EIF3M: variants seen among roughly 807,000 people sequenced by gnomAD.
EIF3M encodes the protein B5 receptor.
In EIF3M, 25 loss-of-function variants were observed where a neutral mutation model predicts 49.7. That is an observed-to-expected ratio of 0.50 (90% confidence interval 0.37 to 0.70). EIF3M has a LOEUF of 0.70. EIF3M is among the 30% of genes least tolerant of loss of function. The pLI, the probability that EIF3M is intolerant of heterozygous loss-of-function variation, is 0.00. For synonymous variants in EIF3M, 156 were observed against 149.8 expected (o/e 1.04, Z -0.30); for missense variants, 350 against 440.0 (o/e 0.80, Z 1.83).
Position 32,593,909 on chromosome 11 carries a change from A to C in EIF3M, c.577A>C (p.Thr193Pro). ...CATGGTGGAATTGCTCGGAAGTTAC[A>C]CAGAGGACAATGCTTCCCAGGCTCG... ...KVMVELLGSYTEDNASQARVD... is the reference protein window; with the variant it reads ...KVMVELLGSYPEDNASQARVD... The change falls in exon 6 of 11, where the codon ACA becomes CCA. Residue 193 changes from threonine to proline, a missense_variant. By Grantham distance (38) the Thr-to-Pro change is conservative. Transcript: ENST00000531120. 1 of 1,581,350 alleles carries C rather than the reference A, an allele frequency of 6.3e-7. No homozygotes were observed. The highest frequency in any genetic ancestry group is 8.6e-7 in the Non-Finnish European group (1 of 1,164,974).
At chr11:32,584,190 T>C (rs957450710) in intron 1 of EIF3M, 2 of 564,974 alleles carry the variant, frequency 3.5e-6, no homozygotes, top group Admixed American at 6.2e-5. Flanking sequence ...GACGACATAG[T>C]ACTTTTAGAC....
rs1855300059 is a variant in EIF3M at position 32,603,219 on chromosome 11, AT to A, written c.*821del. The A allele has an allele frequency of 2.1e-6, 1 of 485,894 alleles. No homozygotes were observed. Among genetic ancestry groups the A allele is most frequent in the Non-Finnish European group, 3.6e-6 (1 of 278,240 alleles). 30.1% of individuals were successfully genotyped at this position (485,894 alleles called of 1,614,324 possible). ...GTAGTAGATCTTCAAAATCTCTAAT[AT>A]ATAACTGAAGTAAAGTGTACAAAAA... On this transcript the variant is annotated 3_prime_UTR_variant, in exon 11 of 11. Transcript: ENST00000531120.
At position 32,602,339 on chromosome 11, in the gene EIF3M, T is replaced by G; in HGVS notation, c.1065T>G (p.Asn355Lys). ...GGCAACAACTGTATGACACACTTAA[T>G]GCCTGGAAACAAAATCTGAACAAAG... ...QQWQQLYDTL[N>K]AWKQNLNKVK... Residue 355 changes from asparagine (N) to lysine (K), a missense_variant, in exon 11 of 11, where the codon AAT (asparagine) becomes AAG (lysine). Transcript: ENST00000531120. 1 of 1,612,866 alleles carries G rather than the reference T, an allele frequency of 6.2e-7. No individual in the cohort carries two copies. Among genetic ancestry groups the G allele is most frequent in the Non-Finnish European group, 8.5e-7 (1 of 1,179,204 alleles).
intron 2 of EIF3M, among the ~76,000 whole-genome samples, chr11:32,587,408 C>T (rs142021509): frequency 2.1e-4 from 32 of 152,292 alleles, no homozygotes; most frequent in African/African-American, 7.7e-4. Context: ...ATTGGAATAT[C>T]ACACATCTTT....
At chr11:32,601,922 A>G in intron 10 of EIF3M, 100 bp downstream of exon 10, 2 of 1,233,278 alleles carry the variant, frequency 1.6e-6, no homozygotes, top group East Asian at 4.9e-5. Flanking sequence ...TTATCACTTG[A>G]CTGTAGTTAA....
At chr11:32,597,133 A>G (rs1855193066) in intron 8 of EIF3M, among the ~76,000 whole-genome samples, 1 of 152,208 alleles carries the variant, frequency 6.6e-6, no homozygotes, top group Admixed American at 6.5e-5. Flanking sequence ...AAGAATTACC[A>G]TTACTTTGAT....
rs898887092 is a variant in EIF3M at position 32,588,995 on chromosome 11, G to A, written c.315-17G>A. 1 of 1,611,530 alleles carries A rather than the reference G, an allele frequency of 6.2e-7. No homozygotes were observed. Among genetic ancestry groups the A allele is most frequent in the Non-Finnish European group, 8.5e-7 (1 of 1,179,450 alleles). On this transcript the variant is annotated splice_polypyrimidine_tract_variant and intron_variant, in intron 3 of 10. Coordinates refer to ENST00000531120, the MANE Select transcript of EIF3M (RefSeq NM_006360.6). ...TGCTGATTTCAAACATTGTTTATTT[G>A]TTTGTTAACCAACCAGGTTAAGCAA...
At position 32,602,686 on chromosome 11, in the gene EIF3M, A is replaced by C. The variant is rs1855289190; in HGVS notation, c.*287A>C. On this transcript the variant is annotated 3_prime_UTR_variant, in exon 11 of 11. Coordinates refer to ENST00000531120, the MANE Select transcript of EIF3M (RefSeq NM_006360.6). ...AAGTAGAGTAATACAATTTCTTCACATTAGAAAAACTTGGAAAAGCAAAGA... is the reference window on the plus strand; with the variant it reads ...AAGTAGAGTAATACAATTTCTTCACCTTAGAAAAACTTGGAAAAGCAAAGA... 1.2e-6 allele frequency: 1 copy of C among 868,458 alleles called. No homozygotes were observed. The highest frequency in any genetic ancestry group is 1.7e-5 in the African/African-American group (1 of 58,506). 53.8% of individuals were successfully genotyped at this position (868,458 alleles called of 1,614,324 possible).
rs575008553 is a variant in EIF3M at position 32,595,487 on chromosome 11, G to A, written c.717+474G>A. Among the ~76,000 whole-genome samples, 62 of 152,120 alleles carry A rather than the reference G, an allele frequency of 4.1e-4. 1 individual carries two copies. The highest frequency in any genetic ancestry group is 6.9e-4 in the Non-Finnish European group (47 of 67,996). ...TGACCCCAAATGATCTGCCCACTTC[G>A]GCCTCCCAGAGTGCTGGGATTACAG... On this transcript the variant is annotated intron_variant, in intron 7 of 10. Coordinates refer to ENST00000531120, the MANE Select transcript of EIF3M (RefSeq NM_006360.6).
Position 32,603,232 on chromosome 11 carries a change from A to G in EIF3M, c.*833A>G, listed in dbSNP as rs1313925693. On this transcript the variant is annotated 3_prime_UTR_variant, in exon 11 of 11. Transcript: ENST00000531120. The stretch of plus-strand genomic sequence containing the variant: ...AAAATCTCTAATATATAACTGAAGT[A>G]AAGTGTACAAAAACTGCCTTTTACT... 2 of 446,188 alleles carry G rather than the reference A, an allele frequency of 4.5e-6. No homozygotes were observed. The highest frequency in any genetic ancestry group is 7.9e-6 in the Non-Finnish European group (2 of 254,324). 27.6% of individuals were successfully genotyped at this position (446,188 alleles called of 1,614,324 possible). A position where few individuals can be genotyped will look rare whatever the true frequency, so the allele number is the denominator to read the frequency against.
chr11:32,597,917 GC>G (rs1855204506), intron 8 of EIF3M, among the ~76,000 whole-genome samples: 1 of 152,074 alleles, frequency 6.6e-6, no homozygotes, highest in East Asian at 1.9e-4. Context: ...AATCATTAAT[GC>G]TTGTCACCTG....
rs1416934741 is a variant in EIF3M at position 32,601,821 on chromosome 11, A to G, written c.1003A>G (p.Ser335Gly). ...TCAGACCCAGAGAAAAGTAGTTGTC[A>G]GGTAAGATATTTAATGCTTTGCAGC... ...IDQTQRKVVVSHSTHRTFGKQ... is the reference protein window; with the variant it reads ...IDQTQRKVVVGHSTHRTFGKQ... The change falls in exon 10 of 11, where the codon AGT becomes GGT. Residue 335 changes from serine (S) to glycine (G), a missense_variant and splice_region_variant. Coordinates refer to ENST00000531120, the MANE Select transcript of EIF3M (RefSeq NM_006360.6). 2 of 1,612,476 alleles carry G rather than the reference A, an allele frequency of 1.2e-6. No individual in the cohort carries two copies. The highest frequency in any genetic ancestry group is 3.3e-5 in the Admixed American group (2 of 59,952).
chr11:32,598,146 G>A (rs1334514916), intron 8 of EIF3M, among the ~76,000 whole-genome samples: 2 of 152,046 alleles, frequency 1.3e-5, no homozygotes, highest in South Asian at 2.1e-4. Flanking sequence ...CTTTATTTAC[G>A]CACCAAGGAA....
intron 8 of EIF3M, among the ~76,000 whole-genome samples, chr11:32,596,911 CAA>C (rs76116503): frequency 5.5e-5 from 8 of 146,784 alleles, no homozygotes; most frequent in Admixed American, 4.1e-4. Context: ...TCTCAAAAAA[CAA>C]AAAAAAAAGA....
At position 32,601,729 on chromosome 11, in the gene EIF3M, A is replaced by G. The variant is rs373077771; in HGVS notation, c.944-33A>G. 21 of 1,591,466 alleles carry G rather than the reference A, an allele frequency of 1.3e-5. No homozygotes were observed. The East Asian group carries it at 3.8e-4, about 29-fold the overall frequency. On this transcript the variant is annotated intron_variant, in intron 9 of 10. Coordinates refer to ENST00000531120, the MANE Select transcript of EIF3M (RefSeq NM_006360.6). ...TAGCTATTTTTCTTGGAAATTTTCC[A>G]TATAACATACGATATAAAACATCTT...
Position 32,603,193 on chromosome 11 carries a change from T to C in EIF3M, c.*794T>C. 1 of 525,868 alleles carries C rather than the reference T, an allele frequency of 1.9e-6. No individual in the cohort carries two copies. Among genetic ancestry groups the C allele is most frequent in the Non-Finnish European group, 3.3e-6 (1 of 303,082 alleles). 32.6% of individuals were successfully genotyped at this position (525,868 alleles called of 1,614,324 possible). A position where few individuals can be genotyped will look rare whatever the true frequency, so the allele number is the denominator to read the frequency against. On this transcript the variant is annotated 3_prime_UTR_variant, in exon 11 of 11. Transcript: ENST00000531120. ...TATACAATGTGAATGTGTAGGCTTA[T>C]GTAGTAGATCTTCAAAATCTCTAAT...
At chr11:32,586,886 C>T (rs1024338741) in intron 1 of EIF3M, 126 bp from the exon 2 acceptor site, 1 of 1,316,942 alleles carries the variant, frequency 7.6e-7, no homozygotes, top group Admixed American at 2.4e-5. Context: ...AGGGAGGGGT[C>T]TTCAACATTA....
rs972939743 is a variant in EIF3M, at chr11:32,604,004, T to C, written c.*1605T>C. The C allele has an allele frequency of 6.6e-6, 1 of 152,180 alleles. No individual in the cohort carries two copies. The highest frequency in any genetic ancestry group is 2.4e-5 in the African/African-American group (1 of 41,430). The allele number at this position is 152,180 out of a possible 1,614,324, so 9.4% of individuals were successfully genotyped here. A position where few individuals can be genotyped will look rare whatever the true frequency, so the allele number is the denominator to read the frequency against. On this transcript the variant is annotated 3_prime_UTR_variant, in exon 11 of 11. Coordinates refer to ENST00000531120, the MANE Select transcript of EIF3M (RefSeq NM_006360.6). ...ATCATTTGAGCCCAGGAGGTGAAGG[T>C]TGCAATGAGCCAAGATCATGCCATT...
At chr11:32,584,683 C>T (rs995365573) in intron 1 of EIF3M, among the ~76,000 whole-genome samples, 2 of 149,458 alleles carry the variant, frequency 1.3e-5, no homozygotes, top group Non-Finnish European at 3.0e-5. Flanking sequence ...CCGTATTTTA[C>T]ACTTGCTTTC....
Sources: allele counts gnomAD v4.1 joint callset (sites outside exome capture counted in the v4.1 genomes callset), GRCh38; gene constraint gnomAD v4.1.1; transcripts MANE v1.5; gene names NCBI Gene and HGNC (gene_info 2026-07-23, HGNC 2026-07-21).